The following RABEPK variants were observed in gnomAD, a reference collection of about 807,000 sequenced individuals.
RABEPK encodes Rab9 effector protein with kelch motifs.
Under a neutral mutation model 34.1 loss-of-function variants are expected in RABEPK, and 27 were observed. The ratio of observed to expected loss-of-function variants is 0.79; its 90% CI spans 0.58 to 1.09. The LOEUF is 1.09. Ranked by LOEUF, RABEPK falls within the 50% of genes least tolerant of loss-of-function variation. RABEPK has a pLI of 0.00. For synonymous variants in RABEPK, 172 were observed against 169.2 expected, an observed-to-expected ratio of 1.02 and a Z score of -0.13; for missense variants, 449 against 462.6, an observed-to-expected ratio of 0.97 and a Z score of 0.27.
intron 2 of RABEPK, among the ~76,000 whole-genome samples, chr9:125,205,998 G>T (rs1830203892): frequency 6.6e-6 from 1 of 152,124 alleles, no homozygotes; most frequent in Non-Finnish European, 1.5e-5. Context: ...AGTCGGAGAA[G>T]GAAGCAGAAA....
At chr9:125,231,360 G>A (rs191600853) in intron 6 of RABEPK, among the ~76,000 whole-genome samples, 1 of 152,298 alleles carries the variant, frequency 6.6e-6, no homozygotes, top group East Asian at 1.9e-4. Flanking sequence ...GGAAGTAGGC[G>A]CTAAGGCAGC....
chr9:125,209,078 G>C (rs548338359), intron 3 of RABEPK, among the ~76,000 whole-genome samples: 30 of 104,926 alleles, frequency 2.9e-4, no homozygotes, highest in African/African-American at 1.5e-3. Context: ...TTTTTTTTGA[G>C]ACCAAGTCTT....
chr9:125,213,587 A>G (rs1830726935), intron 4 of RABEPK, 65 bp downstream of exon 4: 11 of 1,301,774 alleles, frequency 8.5e-6, no homozygotes, highest in Non-Finnish European at 1.1e-5. Flanking sequence ...ACACACACAC[A>G]TATATATAAA....
chr9:125,223,091 C>A (rs879632386), intron 5 of RABEPK, among the ~76,000 whole-genome samples: 37 of 152,116 alleles, frequency 2.4e-4, no homozygotes, highest in Non-Finnish European at 4.3e-4. Flanking sequence ...ACCAGCCTGG[C>A]CAAGATGGTG....
Position 125,215,247 on chromosome 9 carries a change from T to C in RABEPK, c.364+1725T>C, listed in dbSNP as rs78960822. ...TTAGCAAAAATAATTGATTTGTTAT[T>C]AATAACAATGCTTTGTTAATATAAT... On this transcript the variant is annotated intron_variant, in intron 4 of 7. Coordinates refer to ENST00000373538, the MANE Select transcript of RABEPK (RefSeq NM_005833.4). Among the ~76,000 whole-genome samples, 197 of 151,884 alleles carry C rather than the reference T, an allele frequency of 1.3e-3. 2 individuals carry two copies. In the East Asian group the frequency reaches 0.032, roughly 25 times the overall value.
At chr9:125,212,918 TG>T (rs1830682297) in intron 3 of RABEPK, among the ~76,000 whole-genome samples, 1 of 152,150 alleles carries the variant, frequency 6.6e-6, no homozygotes, top group Non-Finnish European at 1.5e-5. Flanking sequence ...TCCGCCCACC[TG>T]GGCCTCCCAA....
chr9:125,201,102 G>T (rs185945236), intron 1 of RABEPK, among the ~76,000 whole-genome samples, 196 bp downstream of exon 1: 2 of 152,320 alleles, frequency 1.3e-5, no homozygotes, highest in East Asian at 3.9e-4. Context: ...CATTCCAAAT[G>T]ATTCCTGCAA....
intron 3 of RABEPK, among the ~76,000 whole-genome samples, chr9:125,211,077 A>G (rs1223020547): frequency 6.9e-6 from 1 of 145,632 alleles, no homozygotes; most frequent in Non-Finnish European, 1.5e-5. Context: ...TACTAAAAAT[A>G]AAAAAAAAAA....
chr9:125,218,331 A>AAAG (rs1831089945), intron 4 of RABEPK, among the ~76,000 whole-genome samples: 1 of 150,228 alleles, frequency 6.7e-6, no homozygotes, highest in Non-Finnish European at 1.5e-5. Context: ...CAAAAAAAAA[A>AAAG]AAAAAAAAAA....
rs55736103 is a variant in RABEPK, at chr9:125,207,551, C to T, written c.54-13C>T. ...TCTGCTCAGGCCTCCTGAATACATC[C>T]TTCCTTTGGCAGGTACACCTTGACT... On this transcript the variant is annotated splice_polypyrimidine_tract_variant and intron_variant, in intron 2 of 7. Transcript: ENST00000373538. 210,015 of 1,611,624 alleles carry T rather than the reference C, an allele frequency of 0.13. 14,983 individuals are homozygous for T. Among genetic ancestry groups the T allele is most frequent in the Non-Finnish European group, 0.14 (170,161 of 1,177,706 alleles).
Position 125,234,010 on chromosome 9 carries a change from T to C in RABEPK, c.*30T>C, listed in dbSNP as rs746964224. ...ACCCACATTTTTATTACCTGTCAGT[T>C]ACTTTCAGAATAGTTAAGTAAAACA... On this transcript the variant is annotated 3_prime_UTR_variant, in exon 8 of 8. Coordinates refer to ENST00000373538, the MANE Select transcript of RABEPK (RefSeq NM_005833.4). 1.3e-6 allele frequency: 2 copies of C among 1,531,994 alleles called. No homozygotes were observed. The highest frequency in any genetic ancestry group is 2.3e-5 in the South Asian group (2 of 85,672). The allele number at this position is 1,531,994 out of a possible 1,614,324, so 94.9% of individuals were successfully genotyped here.
In RABEPK at chr9:125,200,623, A is replaced by G. The variant is rs1321703370; in HGVS notation, c.-290A>G. ...AGGGTAGGGGCGAGGGTCCCCGGAT[A>G]CCGGGTCTATCACGGTCTCGGGCAG... On this transcript the variant is annotated 5_prime_UTR_variant, in exon 1 of 8. It adds an upstream start codon to the 5' untranslated region. Transcript: ENST00000373538. 8.6e-6 allele frequency: 4 copies of G among 462,758 alleles called. No homozygotes were observed. The highest frequency in any genetic ancestry group is 6.0e-5 in the African/African-American group (3 of 49,954). The allele number at this position is 462,758 out of a possible 1,614,324, so 28.7% of individuals were successfully genotyped here.
chr9:125,220,583 T>G lies in RABEPK; in HGVS notation c.409T>G (p.Ser137Ala). 6.2e-7 allele frequency: 1 copy of G among 1,613,858 alleles called. No individual in the cohort carries two copies. The highest frequency in any genetic ancestry group is 2.2e-5 in the East Asian group (1 of 44,850). ...GCCAGAAGTGACCAGCCCCCCACCATCCCCAAGAACATTCCACACATCATC... is the reference window on the plus strand; with the variant it reads ...GCCAGAAGTGACCAGCCCCCCACCAGCCCCAAGAACATTCCACACATCATC... ...TTPEVTSPPPSPRTFHTSSAA... is the reference protein window; with the variant it reads ...TTPEVTSPPPAPRTFHTSSAA... Residue 137 changes from serine (S) to alanine (A), a missense_variant, in exon 5 of 8, where the codon TCC becomes GCC. Coordinates refer to ENST00000373538, the MANE Select transcript of RABEPK (RefSeq NM_005833.4).
At chr9:125,219,506 G>A (rs1831177477) in intron 4 of RABEPK, among the ~76,000 whole-genome samples, 2 of 152,048 alleles carry the variant, frequency 1.3e-5, no homozygotes, top group Admixed American at 1.3e-4. Context: ...TGATTCTCCT[G>A]TCTCAGCCTC....
At chr9:125,224,944 C>T (rs908588010) in intron 5 of RABEPK, among the ~76,000 whole-genome samples, 2 of 152,090 alleles carry the variant, frequency 1.3e-5, no homozygotes, top group Non-Finnish European at 2.9e-5. Flanking sequence ...TTTTTTTCCC[C>T]AACCCCTTCA....
At chr9:125,209,376 G>A (rs757874021) in intron 3 of RABEPK, among the ~76,000 whole-genome samples, 13 of 148,996 alleles carry the variant, frequency 8.7e-5, no homozygotes, top group Admixed American at 2.7e-4. Context: ...TTGAGGCAGC[G>A]TGTCGCTCTG....
chr9:125,227,490 C>T (rs1207329986), intron 5 of RABEPK, among the ~76,000 whole-genome samples: 2 of 151,742 alleles, frequency 1.3e-5, no homozygotes, highest in Non-Finnish European at 2.9e-5. Context: ...GGCGCAATCT[C>T]GGCTCACTTC....
At chr9:125,233,082 A>G (rs1374830816) in intron 7 of RABEPK, among the ~76,000 whole-genome samples, 1 of 151,556 alleles carries the variant, frequency 6.6e-6, no homozygotes. Flanking sequence ...GTCTCAAAAA[A>G]AAAAAAAAAA....
chr9:125,206,594 G>A (rs909405256), intron 2 of RABEPK, among the ~76,000 whole-genome samples: 4 of 152,164 alleles, frequency 2.6e-5, no homozygotes, highest in Non-Finnish European at 4.4e-5. Context: ...TGAGCTTTGG[G>A]GGTAATCTGG....
Sources: allele counts gnomAD v4.1 joint callset (sites outside exome capture counted in the v4.1 genomes callset), GRCh38; gene constraint gnomAD v4.1.1; transcripts MANE v1.5; gene names NCBI Gene and HGNC (gene_info 2026-07-23, HGNC 2026-07-21).